Variants in UGGT1 observed in about 807,000 individuals in gnomAD.
UGGT1 encodes UDP-glucose:glycoprotein glucosyltransferase 1.
UGGT1 carries 107 observed loss-of-function variants against 203.9 expected under a neutral mutation model. That is an observed-to-expected ratio of 0.52 (90% CI 0.45 to 0.62). UGGT1 has a LOEUF of 0.62. Among genes scored for constraint, UGGT1 ranks in the 20% least tolerant of loss-of-function variants. The pLI is 0.00. For synonymous variants in UGGT1, 628 were observed against 653.5 expected, an observed-to-expected ratio of 0.96 and a Z score of 0.59; for missense variants, 1,673 against 1,867.2, an observed-to-expected ratio of 0.90 and a Z score of 1.92.
chr2:128,096,418 C>A (rs555028055), intron 1 of UGGT1, among the ~76,000 whole-genome samples: 3 of 152,332 alleles, frequency 2.0e-5, no homozygotes, highest in Admixed American at 2.0e-4. Context: ...GGACCACGTT[C>A]CCGCTGAAAT....
At chr2:128,095,323 TTATTTA>T (rs373696880) in intron 1 of UGGT1, among the ~76,000 whole-genome samples, 5 of 152,254 alleles carry the variant, frequency 3.3e-5, no homozygotes, top group Middle Eastern at 3.4e-3. Context: ...CTGAGTGTTT[TTATTTA>T]TAAGTGGGAT....
Position 128,194,303 on chromosome 2 carries a change from T to G in UGGT1, c.*4561T>G, listed in dbSNP as rs1391470535. The G allele has an allele frequency of 1.3e-5, 2 of 150,994 alleles. No individual in the cohort carries two copies. The allele number at this position is 150,994 out of a possible 1,614,324, so 9.4% of individuals were successfully genotyped here. A position where few individuals can be genotyped will look rare whatever the true frequency, so the allele number is the denominator to read the frequency against. On this transcript the variant is annotated 3_prime_UTR_variant, in exon 41 of 41. Coordinates refer to ENST00000259253, the MANE Select transcript of UGGT1 (RefSeq NM_020120.4). ...TTGAGACAGAATCTCGCTCTGTTGC[T>G]CAGGCTGGAGTGGAGTGCAGTGGCA...
intron 14 of UGGT1, among the ~76,000 whole-genome samples, chr2:128,134,433 A>G (rs911345051): frequency 1.3e-5 from 2 of 152,232 alleles, no homozygotes; most frequent in African/African-American, 4.8e-5. Context: ...GCGAGAGAAT[A>G]CGTCTAAGTT....
At chr2:128,133,372 A>G (rs1688976682) in intron 14 of UGGT1, 112 bp downstream of exon 14, 1 of 1,366,510 alleles carries the variant, frequency 7.3e-7, no homozygotes, top group Non-Finnish European at 1.0e-6. Flanking sequence ...TTCCTCCCCC[A>G]CCCTTCACCA....
In UGGT1 at chr2:128,146,737, C is replaced by T. The variant is rs559684171; in HGVS notation, c.2016+770C>T. On this transcript the variant is annotated intron_variant, in intron 18 of 40. Coordinates refer to ENST00000259253, the MANE Select transcript of UGGT1 (RefSeq NM_020120.4). The stretch of plus-strand genomic sequence containing the variant: ...AACCCCACATCCAGTAGCAATTACT[C>T]CTCTCCATTTTGCCCATTTTGTCCT... Among the ~76,000 whole-genome samples, 7 of 152,274 alleles carry T rather than the reference C, an allele frequency of 4.6e-5. No homozygotes were observed. The South Asian group carries it at 1.4e-3, about 32-fold the overall frequency.
At chr2:128,157,425 T>C (rs540726061) in intron 22 of UGGT1, 79 bp downstream of exon 22, 1 of 1,180,810 alleles carries the variant, frequency 8.5e-7, no homozygotes, top group South Asian at 1.3e-5. Context: ...CGGCTAGGAT[T>C]GTTCAGTGGG....
At chr2:128,138,357 TAA>T (rs1238689587) in intron 15 of UGGT1, among the ~76,000 whole-genome samples, 4 of 152,018 alleles carry the variant, frequency 2.6e-5, no homozygotes, top group Non-Finnish European at 4.4e-5. Flanking sequence ...CCATCTCTAC[TAA>T]AAATACAAAA....
At chr2:128,108,757 C>A (rs1210111598) in intron 4 of UGGT1, among the ~76,000 whole-genome samples, 1 of 152,148 alleles carries the variant, frequency 6.6e-6, no homozygotes, top group Non-Finnish European at 1.5e-5. Context: ...CTTAGTCTGG[C>A]ACCATGGAAA....
rs144667332 is a variant in UGGT1 at position 128,155,599 on chromosome 2, G to C, written c.2236+12G>C. 1,901 of 1,599,496 alleles carry C rather than the reference G, an allele frequency of 1.2e-3. 15 individuals carry two copies. The African/African-American group carries it at 0.02, about 17-fold the overall frequency. ...TCTGACAAAGAAAGGTAATCCATTTGAGGCTTATTATCTTGCATTCAACAT... is the reference window on the plus strand; with the variant it reads ...TCTGACAAAGAAAGGTAATCCATTTCAGGCTTATTATCTTGCATTCAACAT... On this transcript the variant is annotated intron_variant, in intron 20 of 40. Transcript: ENST00000259253.
chr2:128,152,014 T>A (rs1319342711), intron 18 of UGGT1, among the ~76,000 whole-genome samples: 1 of 152,246 alleles, frequency 6.6e-6, no homozygotes, highest in Non-Finnish European at 1.5e-5. Context: ...TTCTGTAATA[T>A]TAGCTGTGCA....
At chr2:128,169,722 T>G (rs1379655954) in intron 26 of UGGT1, among the ~76,000 whole-genome samples, 19 of 152,218 alleles carry the variant, frequency 1.2e-4, no homozygotes, top group Admixed American at 1.2e-3. Flanking sequence ...GCTTGTTGTG[T>G]AACAGCATGT....
In UGGT1 at chr2:128,120,299, C is replaced by T; in HGVS notation, c.873-57C>T. The stretch of plus-strand genomic sequence containing the variant: ...TGAAGATAAAGTTGGTTTACTTCTT[C>T]TTATGCTCCGGGAAAGAAAAAATAA... On this transcript the variant is annotated intron_variant, in intron 8 of 40. Coordinates refer to ENST00000259253, the MANE Select transcript of UGGT1 (RefSeq NM_020120.4). 1.9e-6 allele frequency: 3 copies of T among 1,546,328 alleles called. No individual in the cohort carries two copies. The South Asian group carries it at 3.5e-5, about 18-fold the overall frequency.
At chr2:128,108,117 T>TGAATGGATG (rs1687685250) in intron 4 of UGGT1, 49 bp downstream of exon 4, 1 of 1,597,164 alleles carries the variant, frequency 6.3e-7, no homozygotes, top group Non-Finnish European at 8.6e-7. Flanking sequence ...TATATCATGA[T>TGAATGGATG]GAATGGATGG....
chr2:128,183,323 T>A (rs1349325830), intron 37 of UGGT1, among the ~76,000 whole-genome samples: 2 of 152,190 alleles, frequency 1.3e-5, no homozygotes, highest in Non-Finnish European at 2.9e-5. Flanking sequence ...CTCTGGGGTT[T>A]TCCCCCCCCT....
chr2:128,160,350 G>A, intron 23 of UGGT1, 110 bp from the exon 24 acceptor site: 1 of 1,170,720 alleles, frequency 8.5e-7, no homozygotes, highest in Non-Finnish European at 1.2e-6. Context: ...ATGAAAATTA[G>A]TTATTACTTT....
chr2:128,114,178 C>A (rs1418942871), intron 6 of UGGT1, among the ~76,000 whole-genome samples: 1 of 152,060 alleles, frequency 6.6e-6, no homozygotes, highest in Non-Finnish European at 1.5e-5. Flanking sequence ...AGCACAGTGG[C>A]GCGATTTCAG....
In UGGT1 at chr2:128,113,231, C is replaced by A; in HGVS notation, c.669C>A (p.Ile223=). ...TATCAAAAAGCAATGCAGGCAAAATCAATTATGTATTCAGACATTATATAT... is the reference window on the plus strand; with the variant it reads ...TATCAAAAAGCAATGCAGGCAAAATAAATTATGTATTCAGACATTATATAT... ...QLISKSNAGK[I]NYVFRHYIFN... is the part of the protein sequence containing the mutation. Residue 223 remains isoleucine, a synonymous_variant, in exon 6 of 41, where the codon ATC becomes ATA. Coordinates refer to ENST00000259253, the MANE Select transcript of UGGT1 (RefSeq NM_020120.4). 6.2e-7 allele frequency: 1 copy of A among 1,611,954 alleles called. No homozygotes were observed. Among genetic ancestry groups the A allele is most frequent in the East Asian group, 2.2e-5 (1 of 44,752 alleles).
At chr2:128,116,605 A>T (rs917792208) in intron 8 of UGGT1, among the ~76,000 whole-genome samples, 1 of 151,556 alleles carries the variant, frequency 6.6e-6, no homozygotes, top group Admixed American at 6.6e-5. Flanking sequence ...ACTCACTGCA[A>T]CCTCCACTTT....
rs750170057 is a variant in UGGT1, at chr2:128,129,130, A to G, written c.1328A>G (p.Gln443Arg). The change falls in exon 13 of 41, where the codon CAG becomes CGG. Residue 443 changes from glutamine (Q) to arginine (R), a missense_variant. Transcript: ENST00000259253. ...SLHNVLKLNI[Q>R]PSEADYAVDI... ...CATAATGTTTTGAAGCTGAACATCCAGCCCTCTGAGGCAGACTATGCCGTA... is the reference window on the plus strand; with the variant it reads ...CATAATGTTTTGAAGCTGAACATCCGGCCCTCTGAGGCAGACTATGCCGTA... 49 of 1,614,032 alleles carry G rather than the reference A, an allele frequency of 3.0e-5. No individual in the cohort carries two copies. The highest frequency in any genetic ancestry group is 3.9e-5 in the Non-Finnish European group (46 of 1,180,034).
Sources: gnomAD v4.1 joint callset for allele counts (sites outside exome capture counted in the v4.1 genomes callset) on GRCh38, gnomAD v4.1.1 for gene constraint, MANE v1.5 for transcripts, NCBI Gene and HGNC (gene_info 2026-07-23, HGNC 2026-07-21) for gene names.